INO80: variants seen among roughly 807,000 people sequenced by gnomAD.
INO80 encodes the protein INO80 complex ATPase subunit.
Under a neutral mutation model 203.4 loss-of-function variants are expected in INO80, and 20 were observed. That is an observed-to-expected ratio of 0.10 (90% CI 0.07 to 0.14). The LOEUF is 0.14. INO80 is among the 10% of genes least tolerant of loss of function. The pLI is 1.00. For missense variants in INO80, 1,419 were observed against 1,914.4 expected (o/e 0.74, Z 4.83); for synonymous variants, 726 against 685.2 (o/e 1.06, Z -0.93).
chr15:41,088,087 C>CTTTTTT (rs943111352), intron 5 of INO80, among the ~76,000 whole-genome samples: 352 of 100,894 alleles, frequency 3.5e-3, no homozygotes, highest in Middle Eastern at 6.7e-3. Flanking sequence ...GCTTGCTTTT[C>CTTTTTT]TTTTTTTTTT....
At chr15:41,021,228 T>TA (rs1439982856) in intron 25 of INO80, 103 bp from the exon 26 acceptor site, 3 of 734,596 alleles carry the variant, frequency 4.1e-6, no homozygotes, top group South Asian at 1.7e-5. Flanking sequence ...GGATAGTTCT[T>TA]AGACTAGTGG....
intron 29 of INO80, 59 bp downstream of exon 29, chr15:40,997,470 A>G: frequency 9.1e-7 from 1 of 1,098,456 alleles, no homozygotes; most frequent in Non-Finnish European, 1.4e-6. Context: ...AAAAACCTAC[A>G]TAGTAGGTTT....
chr15:40,984,162 A>T, intron 33 of INO80, 35 bp downstream of exon 33: 2 of 1,606,750 alleles, frequency 1.2e-6, no homozygotes, highest in Non-Finnish European at 8.5e-7. Flanking sequence ...GACACTCCTT[A>T]CGGCTGTGAT....
intron 24 of INO80, among the ~76,000 whole-genome samples, chr15:41,044,208 C>T (rs146435084): frequency 6.6e-6 from 1 of 152,098 alleles, no homozygotes. Context: ...ATATAAACAC[C>T]AAAGAAAGGA....
At chr15:40,984,113 CAA>C in intron 33 of INO80, 82 bp downstream of exon 33, 2 of 1,471,426 alleles carry the variant, frequency 1.4e-6, no homozygotes, top group African/African-American at 1.4e-5. Context: ...CCAGGAGAAG[CAA>C]AGACTGCCCA....
At chr15:40,986,888 C>T (rs190844564) in intron 31 of INO80, among the ~76,000 whole-genome samples, 1 of 152,302 alleles carries the variant, frequency 6.6e-6, no homozygotes, top group African/African-American at 2.4e-5. Context: ...CCACTTTGGC[C>T]TCCCGAAATG....
chr15:41,097,147 G>A (rs2045737608), intron 1 of INO80, among the ~76,000 whole-genome samples: 1 of 152,190 alleles, frequency 6.6e-6, no homozygotes, highest in Admixed American at 6.5e-5. Context: ...TGGAGTTCAA[G>A]CAATTCTCCT....
chr15:40,986,944 T>A (rs2043743593), intron 31 of INO80, 147 bp downstream of exon 31: 1 of 538,992 alleles, frequency 1.9e-6, no homozygotes. Context: ...ACAAACACAT[T>A]CTTGTTTGGG....
At chr15:41,109,526 T>C (rs981324949) in intron 1 of INO80, among the ~76,000 whole-genome samples, 1 of 152,004 alleles carries the variant, frequency 6.6e-6, no homozygotes, top group Non-Finnish European at 1.5e-5. Context: ...CAGTGGCTCA[T>C]GGCTGTAACC....
intron 24 of INO80, among the ~76,000 whole-genome samples, chr15:41,031,547 G>A (rs867025644): frequency 0.045 from 229 of 5,144 alleles, 9 homozygotes; most frequent in African/African-American, 0.089. Flanking sequence ...AGGAAGGGAG[G>A]AGGGAGGAAG....
intron 29 of INO80, among the ~76,000 whole-genome samples, chr15:40,993,046 C>T (rs558277238): frequency 6.6e-6 from 1 of 152,324 alleles, no homozygotes; most frequent in Non-Finnish European, 1.5e-5. Context: ...CCACCCACAT[C>T]GGCCTCCCAA....
In INO80 at chr15:41,088,243, C is replaced by A. The variant is rs541537214; in HGVS notation, c.538-561G>T. ...TAGCTGGGATTACAAGCACACGCCA[C>A]CACACCCAGCTGATTTTTGTATTTT... On this transcript the variant is annotated intron_variant, in intron 5 of 35. Coordinates refer to ENST00000648947, the MANE Select transcript of INO80 (RefSeq NM_017553.3). Among the ~76,000 whole-genome samples, 15 of 151,904 alleles carry A rather than the reference C, an allele frequency of 9.9e-5. No individual in the cohort carries two copies. The South Asian group carries it at 1.0e-3, about 11-fold the overall frequency.
At chr15:41,018,785 A>C (rs1274578062) in intron 26 of INO80, 1 of 152,222 alleles carries the variant, frequency 6.6e-6, no homozygotes, top group Non-Finnish European at 1.5e-5. Flanking sequence ...CAAGAGCTCC[A>C]CCTGTCGCTA....
At chr15:41,108,277 G>A (rs1350410275) in intron 1 of INO80, among the ~76,000 whole-genome samples, 7 of 151,918 alleles carry the variant, frequency 4.6e-5, no homozygotes, top group Admixed American at 2.6e-4. Context: ...GTCAAGAGCT[G>A]TGAGCTGAAT....
At chr15:41,086,212 T>C (rs544432874) in intron 6 of INO80, among the ~76,000 whole-genome samples, 15 of 152,098 alleles carry the variant, frequency 9.9e-5, no homozygotes, top group East Asian at 1.9e-4. Flanking sequence ...AAAAGACATA[T>C]TGATATGTCA....
chr15:41,088,890 G>T (rs2045596983), intron 5 of INO80, among the ~76,000 whole-genome samples: 1 of 152,172 alleles, frequency 6.6e-6, no homozygotes, highest in African/African-American at 2.4e-5. Context: ...AAACAAGCAG[G>T]CCAGGCATGG....
intron 1 of INO80, among the ~76,000 whole-genome samples, chr15:41,104,770 C>T: frequency 6.6e-6 from 1 of 151,988 alleles, no homozygotes; most frequent in Non-Finnish European, 1.5e-5. Flanking sequence ...AAACTCCTGA[C>T]CTCAAATGAT....
At position 41,096,171 on chromosome 15, in the gene INO80, G is replaced by T; in HGVS notation, c.140C>A (p.Ser47Tyr). 1 of 1,603,738 alleles carries T rather than the reference G, an allele frequency of 6.2e-7. No individual in the cohort carries two copies. The highest frequency in any genetic ancestry group is 1.1e-5 in the South Asian group (1 of 89,098). ...QTSAIFNRNI[S>Y]SDDSEDGLDD... ...TTGCAAAGATACAATAACATACCTA[G>T]AAATATTCCTATTGAAGATAGCTGA... Residue 47 changes from serine (S) to tyrosine (Y), a missense_variant, in exon 2 of 36, where the codon TCT becomes TAT. Ser to Tyr is a moderately radical substitution (Grantham distance 144). Coordinates refer to ENST00000648947, the MANE Select transcript of INO80 (RefSeq NM_017553.3).
chr15:41,016,352 G>T, intron 26 of INO80, 137 bp from the exon 27 acceptor site: 1 of 819,226 alleles, frequency 1.2e-6, no homozygotes, highest in Non-Finnish European at 1.9e-6. Context: ...TGCTCTAAAG[G>T]GAGAATGCAA....
Sources: allele counts gnomAD v4.1 joint callset (sites outside exome capture counted in the v4.1 genomes callset), GRCh38; gene constraint gnomAD v4.1.1; transcripts MANE v1.5; gene names NCBI Gene and HGNC (gene_info 2026-07-23, HGNC 2026-07-21).